PAMR1: variants seen among roughly 807,000 people sequenced by gnomAD.
PAMR1 encodes the protein peptidase domain containing associated with muscle regeneration 1.
PAMR1 carries 88 observed loss-of-function variants against 81.8 expected under a neutral mutation model. That is an observed-to-expected ratio of 1.08 (90% CI 0.91 to 1.28). PAMR1 has a LOEUF of 1.28. Ranked by LOEUF, PAMR1 falls within the 50% of genes most tolerant of loss-of-function variation. The pLI, the probability that PAMR1 is intolerant of heterozygous loss-of-function variation, is 0.00. For synonymous variants in PAMR1, 336 were observed against 345.3 expected (o/e 0.97, Z 0.30); for missense variants, 935 against 919.7 (o/e 1.02, Z -0.21).
At position 35,470,756 on chromosome 11, in the gene PAMR1, T is replaced by A. The variant is rs1384134597; in HGVS notation, c.557A>T (p.Asp186Val). ...GATCTGGCCATCGCGGTTGTCTCCA[T>A]CACGAACCTCAACATAGTCATACTG... The part of the protein sequence containing the change: ...MCQYDYVEVR[D>V]GDNRDGQIIK... Residue 186 changes from aspartate (D) to valine (V), a missense_variant, in exon 5 of 11, where the codon GAT becomes GTT. Transcript: ENST00000619888. 2 of 1,614,130 alleles carry A rather than the reference T, an allele frequency of 1.2e-6. No homozygotes were observed. The highest frequency in any genetic ancestry group is 8.5e-7 in the Non-Finnish European group (1 of 1,180,004).
At chr11:35,503,258 A>T (rs1047939893) in intron 1 of PAMR1, among the ~76,000 whole-genome samples, 2 of 147,932 alleles carry the variant, frequency 1.4e-5, no homozygotes, top group Non-Finnish European at 3.0e-5. Context: ...GTGTACTTTG[A>T]AGTCATGTAG....
chr11:35,481,540 T>G (rs1850390963), intron 3 of PAMR1, among the ~76,000 whole-genome samples: 1 of 146,508 alleles, frequency 6.8e-6, no homozygotes, highest in African/African-American at 2.7e-5. Flanking sequence ...TTGTTTGTTT[T>G]GAGACAGATT....
At chr11:35,447,260 T>C (rs1856314223) in intron 6 of PAMR1, among the ~76,000 whole-genome samples, 1 of 147,332 alleles carries the variant, frequency 6.8e-6, no homozygotes, top group Non-Finnish European at 1.5e-5. Context: ...TGCAGTGCAG[T>C]GGTGCGATCT....
chr11:35,505,575 C>T (rs1231532856), intron 1 of PAMR1, among the ~76,000 whole-genome samples: 1 of 152,086 alleles, frequency 6.6e-6, no homozygotes, highest in African/African-American at 2.4e-5. Context: ...GTTATATCCT[C>T]TTGCTGAATT....
chr11:35,463,793 G>A (rs953381191), intron 6 of PAMR1, among the ~76,000 whole-genome samples: 19 of 152,210 alleles, frequency 1.2e-4, no homozygotes, highest in African/African-American at 3.9e-4. Context: ...CTTGAAGACT[G>A]TCCCATCGGA....
At chr11:35,472,885 T>A (rs913532786) in intron 4 of PAMR1, among the ~76,000 whole-genome samples, 5 of 152,078 alleles carry the variant, frequency 3.3e-5, no homozygotes, top group African/African-American at 1.2e-4. Context: ...TTATTCCAAG[T>A]CTATAGGAAG....
chr11:35,432,100 A>G lies in PAMR1; in HGVS notation c.*256T>C, dbSNP rs1590309249. The stretch of plus-strand genomic sequence containing the variant: ...TCAGTGGAGTGGAGAGGTTTTGTAT[A>G]TGGTCTTCTTTGAAGAAACTTACTT... On this transcript the variant is annotated 3_prime_UTR_variant, in exon 11 of 11. Transcript: ENST00000619888. 4.0e-6 allele frequency: 2 copies of G among 500,330 alleles called. No individual in the cohort carries two copies. The highest frequency in any genetic ancestry group is 3.5e-5 in the East Asian group (1 of 28,792). The allele number at this position is 500,330 out of a possible 1,614,324, so 31.0% of individuals were successfully genotyped here.
intron 1 of PAMR1, among the ~76,000 whole-genome samples, chr11:35,500,558 G>A (rs1419554070): frequency 6.6e-6 from 1 of 152,224 alleles, no homozygotes; most frequent in African/African-American, 2.4e-5. Context: ...AAGAATGAAT[G>A]AGTGGTCATG....
chr11:35,469,565 C>A (rs1856813206), intron 5 of PAMR1, among the ~76,000 whole-genome samples: 1 of 152,212 alleles, frequency 6.6e-6, no homozygotes, highest in Admixed American at 6.5e-5. Context: ...CCCTGCACAG[C>A]TCCACAGGGG....
At chr11:35,503,042 AC>A (rs1417216455) in intron 1 of PAMR1, among the ~76,000 whole-genome samples, 7 of 152,172 alleles carry the variant, frequency 4.6e-5, no homozygotes, top group Non-Finnish European at 8.8e-5. Context: ...CAAGTTTCAT[AC>A]TTCTGCATAT....
At position 35,434,056 on chromosome 11, in the gene PAMR1, A is replaced by T. The variant is rs1402347641; in HGVS notation, c.1626+456T>A. ...TTTTTTATTCAAAAAGTATTTATTG[A>T]TAATCTACTTTGAGCCAGGCACTGT... is the stretch of plus-strand genomic sequence containing the variant. On this transcript the variant is annotated intron_variant, in intron 10 of 10. Coordinates refer to ENST00000619888, the MANE Select transcript of PAMR1 (RefSeq NM_001001991.3). Among the ~76,000 whole-genome samples, 3 of 152,208 alleles carry T rather than the reference A, an allele frequency of 2.0e-5. No homozygotes were observed. In the East Asian group the frequency reaches 5.8e-4, roughly 29 times the overall value.
At chr11:35,494,007 T>C in intron 2 of PAMR1, 89 bp downstream of exon 2, 9 of 1,000,280 alleles carry the variant, frequency 9.0e-6, no homozygotes, top group Non-Finnish European at 1.2e-5. Flanking sequence ...TCCTGATGGC[T>C]GCCTGCTAGA....
At position 35,439,670 on chromosome 11, in the gene PAMR1, C is replaced by A. The variant is rs762579795; in HGVS notation, c.1057G>T (p.Asp353Tyr). ...GGAAGAACTCTCCTTCTCACCAGGTCTGAAATCTTTGGTTCTCGGCAGGCT... is the reference window on the plus strand; with the variant it reads ...GGAAGAACTCTCCTTCTCACCAGGTATGAAATCTTTGGTTCTCGGCAGGCT... The part of the protein sequence containing the change: ...IKACREPKIS[D>Y]LVRRRVLPMQ... The change falls in exon 8 of 11, where the codon GAC (aspartate) becomes TAC (tyrosine). Residue 353 changes from aspartate (D) to tyrosine (Y), a missense_variant. Coordinates refer to ENST00000619888, the MANE Select transcript of PAMR1 (RefSeq NM_001001991.3). The A allele has an allele frequency of 1.9e-6, 3 of 1,613,972 alleles. No homozygotes were observed. The highest frequency in any genetic ancestry group is 2.5e-6 in the Non-Finnish European group (3 of 1,179,868).
At chr11:35,464,879 A>T (rs2135372036) in intron 6 of PAMR1, among the ~76,000 whole-genome samples, 1 of 152,320 alleles carries the variant, frequency 6.6e-6, no homozygotes. Flanking sequence ...GTACATTAGG[A>T]AAATAAAGAG....
intron 3 of PAMR1, among the ~76,000 whole-genome samples, chr11:35,491,480 G>A (rs1010947109): frequency 6.6e-5 from 10 of 152,124 alleles, no homozygotes; most frequent in African/African-American, 1.4e-4. Flanking sequence ...GGGCACTGTC[G>A]GGGGGAATCT....
chr11:35,469,051 C>T (rs754151837), intron 5 of PAMR1, among the ~76,000 whole-genome samples: 5 of 151,988 alleles, frequency 3.3e-5, no homozygotes, highest in South Asian at 2.1e-4. Flanking sequence ...TAGTGTATTA[C>T]GAAGAAAGAA....
At chr11:35,442,775 G>A (rs1856202552) in intron 6 of PAMR1, among the ~76,000 whole-genome samples, 1 of 151,782 alleles carries the variant, frequency 6.6e-6, no homozygotes, top group African/African-American at 2.4e-5. Context: ...GCTAATTTTT[G>A]TATTTTTAGT....
rs1476129883 is a variant in PAMR1 at position 35,507,052 on chromosome 11, T to A, written c.74-12780A>T. On this transcript the variant is annotated intron_variant, in intron 1 of 10. Coordinates refer to ENST00000619888, the MANE Select transcript of PAMR1 (RefSeq NM_001001991.3). ...CAAATAGCCTGACTTTTTTTTTTTT[T>A]TTTTTTTTTTTTTGACAGAGTTTTG... Among the ~76,000 whole-genome samples, 412 of 141,444 alleles carry A rather than the reference T, an allele frequency of 2.9e-3. 5 individuals carry two copies. Among genetic ancestry groups the A allele is most frequent in the African/African-American group, 0.01 (382 of 38,040 alleles). The allele number at this position is 141,444 out of a possible 152,430, so 92.8% of individuals were successfully genotyped here.
At chr11:35,456,937 C>A (rs1194195426) in intron 6 of PAMR1, among the ~76,000 whole-genome samples, 1 of 152,056 alleles carries the variant, frequency 6.6e-6, no homozygotes, top group Non-Finnish European at 1.5e-5. Flanking sequence ...TTAAAATCAG[C>A]AATACAGATG....
Sources: allele counts gnomAD v4.1 joint callset (sites outside exome capture counted in the v4.1 genomes callset), GRCh38; gene constraint gnomAD v4.1.1; transcripts MANE v1.5; gene names NCBI Gene and HGNC (gene_info 2026-07-23, HGNC 2026-07-21).